The following NAALADL2 variants were observed in gnomAD, a reference collection of about 807,000 sequenced individuals.
NAALADL2 encodes the protein N-acetylated alpha-linked acidic dipeptidase like 2.
Under a neutral mutation model 87.2 loss-of-function variants are expected in NAALADL2, and 76 were observed. That is an observed-to-expected ratio of 0.87 (90% CI 0.72 to 1.05). The LOEUF (loss-of-function observed/expected upper bound fraction) is 1.05, where lower values mean the gene tolerates loss of function less well. Ranked by LOEUF, NAALADL2 falls within the 50% of genes least tolerant of loss-of-function variation. The probability of loss-of-function intolerance (pLI) is 0.00; values close to 1 mark genes in which losing one functional copy is unlikely to be tolerated. For missense variants in NAALADL2, 1,089 were observed against 945.8 expected (o/e 1.15, Z -1.99); for synonymous variants, 354 against 331.0 (o/e 1.07, Z -0.75).
intron 7 of NAALADL2, among the ~76,000 whole-genome samples, chr3:175,466,523 A>C (rs1724045914): frequency 1.3e-5 from 2 of 152,172 alleles, no homozygotes; most frequent in Admixed American, 1.3e-4. Context: ...AGCTGTAATT[A>C]ATTCCCTGTG....
At chr3:175,579,505 C>T (rs1458251547) in intron 10 of NAALADL2, among the ~76,000 whole-genome samples, 1 of 152,252 alleles carries the variant, frequency 6.6e-6, no homozygotes, top group Non-Finnish European at 1.5e-5. Flanking sequence ...TTCTTGGCCT[C>T]TATACTCTAA....
At chr3:175,698,649 C>T (rs926752338) in intron 11 of NAALADL2, among the ~76,000 whole-genome samples, 1 of 150,964 alleles carries the variant, frequency 6.6e-6, no homozygotes, top group Non-Finnish European at 1.5e-5. Context: ...TAAGAATAGA[C>T]AAATTTAATA....
intron 5 of NAALADL2, among the ~76,000 whole-genome samples, chr3:175,385,993 G>C (rs538677646): frequency 6.6e-6 from 1 of 151,878 alleles, no homozygotes; most frequent in East Asian, 1.9e-4. Flanking sequence ...ATAAATAGTC[G>C]ATAGCCTGTG....
At chr3:175,423,769 G>T (rs972086266) in intron 5 of NAALADL2, among the ~76,000 whole-genome samples, 4 of 152,052 alleles carry the variant, frequency 2.6e-5, no homozygotes, top group African/African-American at 9.7e-5. Flanking sequence ...ATAATCCTTT[G>T]GGTATACACC....
intron 1 of NAALADL2, among the ~76,000 whole-genome samples, chr3:174,500,941 C>T (rs1718839735): frequency 6.6e-6 from 1 of 151,816 alleles, no homozygotes. Context: ...ACTGCAACCT[C>T]CTCTGCCCAG....
At chr3:175,492,108 C>T (rs1728181431) in intron 9 of NAALADL2, among the ~76,000 whole-genome samples, 1 of 152,064 alleles carries the variant, frequency 6.6e-6, no homozygotes, top group African/African-American at 2.4e-5. Flanking sequence ...AGAATTTTTT[C>T]AAAAGAATTT....
chr3:174,485,412 C>A (rs1231179015), intron 1 of NAALADL2, among the ~76,000 whole-genome samples: 2 of 79,958 alleles, frequency 2.5e-5, no homozygotes, highest in Non-Finnish European at 2.1e-5. Context: ...AAGCCTAGTA[C>A]CCATTATTTT....
intron 2 of NAALADL2, among the ~76,000 whole-genome samples, chr3:174,588,853 G>A (rs1717031046): frequency 6.6e-6 from 1 of 152,182 alleles, no homozygotes. Flanking sequence ...CAGTCTGTCT[G>A]TTCTCAGATC....
intron 2 of NAALADL2, among the ~76,000 whole-genome samples, chr3:174,658,005 T>A: frequency 6.6e-6 from 1 of 152,208 alleles, no homozygotes; most frequent in East Asian, 1.9e-4. Flanking sequence ...TTTCTTGATA[T>A]ACTACAGTTT....
chr3:175,759,433 C>A (rs1340459542), intron 13 of NAALADL2, among the ~76,000 whole-genome samples: 2 of 151,614 alleles, frequency 1.3e-5, no homozygotes, highest in Non-Finnish European at 2.9e-5. Context: ...TCTCGGCTCA[C>A]CACTACCTCC....
intron 1 of NAALADL2, among the ~76,000 whole-genome samples, chr3:175,001,573 GA>G (rs1171001580): frequency 1.3e-5 from 2 of 152,138 alleles, no homozygotes; most frequent in African/African-American, 4.8e-5. Flanking sequence ...TGGGAGTCCA[GA>G]TAACTCTTTT....
chr3:175,742,896 C>A (rs1745435373), intron 12 of NAALADL2, among the ~76,000 whole-genome samples: 1 of 152,118 alleles, frequency 6.6e-6, no homozygotes, highest in Non-Finnish European at 1.5e-5. Flanking sequence ...GTGTCTGTAT[C>A]TCTTTGAGGA....
intron 1 of NAALADL2, among the ~76,000 whole-genome samples, chr3:174,993,376 G>A (rs1747002432): frequency 6.6e-6 from 1 of 152,076 alleles, no homozygotes; most frequent in Admixed American, 6.6e-5. Context: ...TGGGAACACA[G>A]GGGTGAGCAA....
chr3:175,239,603 A>AT (rs1274890947), intron 3 of NAALADL2, among the ~76,000 whole-genome samples: 4 of 152,078 alleles, frequency 2.6e-5, no homozygotes, highest in South Asian at 2.1e-4. Flanking sequence ...GTAAAGCTTC[A>AT]TTTTTTTATC....
chr3:175,011,738 T>A (rs1749853111), intron 1 of NAALADL2, among the ~76,000 whole-genome samples: 1 of 152,208 alleles, frequency 6.6e-6, no homozygotes, highest in African/African-American at 2.4e-5. Context: ...CAAGGCGTGC[T>A]ATGTGCCAAG....
chr3:175,586,898 T>C (rs997163779), intron 10 of NAALADL2, among the ~76,000 whole-genome samples: 6 of 152,164 alleles, frequency 3.9e-5, no homozygotes, highest in Non-Finnish European at 8.8e-5. Context: ...TGGCAAAACA[T>C]TGGGGTTAAA....
At chr3:175,067,902 T>C (rs1006244407) in intron 1 of NAALADL2, among the ~76,000 whole-genome samples, 1 of 151,994 alleles carries the variant, frequency 6.6e-6, no homozygotes, top group East Asian at 1.9e-4. Flanking sequence ...TGAAATACAA[T>C]GCAGCTAAAA....
rs1764993848 is a variant in NAALADL2 at position 175,361,407 on chromosome 3, G to A, written c.1090+37082G>A. Among the ~76,000 whole-genome samples, 2 of 148,070 alleles carry A rather than the reference G, an allele frequency of 1.4e-5. 1 individual carries two copies. The highest frequency in any genetic ancestry group is 3.0e-5 in the Non-Finnish European group (2 of 66,570). ...AGTAATGGGATTGGTGGGTCAAATG[G>A]TATTTCTAGTTCTAGATCCTTGAGG... On this transcript the variant is annotated intron_variant, in intron 5 of 13. Coordinates refer to ENST00000454872, the MANE Select transcript of NAALADL2 (RefSeq NM_207015.3).
At chr3:174,853,649 A>G (rs901326066) in intron 3 of NAALADL2, among the ~76,000 whole-genome samples, 21 of 152,150 alleles carry the variant, frequency 1.4e-4, no homozygotes, top group African/African-American at 5.1e-4. Context: ...ATGATTAATA[A>G]TCAAAATATG....
Sources: gnomAD v4.1 joint callset for allele counts (sites outside exome capture counted in the v4.1 genomes callset) on GRCh38, gnomAD v4.1.1 for gene constraint, MANE v1.5 for transcripts, NCBI Gene and HGNC (gene_info 2026-07-23, HGNC 2026-07-21) for gene names.